The following AP2B1 variants were observed in gnomAD, a reference collection of about 807,000 sequenced individuals.
The protein encoded by AP2B1 is AP-2 complex subunit beta.
A neutral mutation model predicts 102.0 loss-of-function variants in AP2B1; 23 were observed. The ratio of observed to expected loss-of-function variants is 0.23; its 90% CI spans 0.16 to 0.32. AP2B1 has a LOEUF of 0.32. Among genes scored for constraint, AP2B1 ranks in the 10% least tolerant of loss-of-function variants. AP2B1 has a pLI of 1.00. For synonymous variants in AP2B1, 381 were observed against 421.2 expected, an observed-to-expected ratio of 0.90 and a Z score of 1.17; for missense variants, 541 against 1,157.4, an observed-to-expected ratio of 0.47 and a Z score of 7.73.
At chr17:35,648,164 C>T (rs369000732) in intron 12 of AP2B1, among the ~76,000 whole-genome samples, 98 of 152,218 alleles carry the variant, frequency 6.4e-4, no homozygotes, top group African/African-American at 2.3e-3. Context: ...TATAGACATA[C>T]TTTTGAGGTA....
chr17:35,594,190 C>T (rs953715681), intron 2 of AP2B1, 123 bp downstream of exon 2: 3 of 591,426 alleles, frequency 5.1e-6, no homozygotes, highest in Non-Finnish European at 8.9e-6. Flanking sequence ...TCTCACTGGA[C>T]ATCTACTACT....
chr17:35,703,980 G>C (rs1598330294), intron 18 of AP2B1, among the ~76,000 whole-genome samples: 1 of 152,122 alleles, frequency 6.6e-6, no homozygotes, highest in African/African-American at 2.4e-5. Flanking sequence ...TTTAGAACTT[G>C]TCTGGATTAT....
chr17:35,644,628 T>A lies in AP2B1; in HGVS notation c.1536+2653T>A, dbSNP rs1354564876. On this transcript the variant is annotated intron_variant, in intron 12 of 21. Coordinates refer to ENST00000610402, the MANE Select transcript of AP2B1 (RefSeq NM_001030006.2). Reference sequence around the variant, plus strand: ...TTGAACTCCTGATCTAATGTGATCCTCCTGCCTTGGTCTCCCAAAGCACTG... The same window carrying A: ...TTGAACTCCTGATCTAATGTGATCCACCTGCCTTGGTCTCCCAAAGCACTG... Among the ~76,000 whole-genome samples the A allele has an allele frequency of 3.3e-5, 5 of 151,752 alleles. No individual in the cohort carries two copies. In the East Asian group the frequency reaches 9.7e-4, roughly 30 times the overall value.
At chr17:35,657,906 C>G in intron 14 of AP2B1, 115 bp downstream of exon 14, 2 of 885,554 alleles carry the variant, frequency 2.3e-6, no homozygotes, top group Non-Finnish European at 1.7e-6. Context: ...CAGTAGTGTC[C>G]TTTGATAAAG....
At position 35,691,471 on chromosome 17, in the gene AP2B1, C is replaced by G. The variant is rs111392985; in HGVS notation, c.2454+8647C>G. 9.7e-3 allele frequency among the ~76,000 whole-genome samples: 1,478 copies of G among 152,302 alleles called. 20 individuals are homozygous for G. Among genetic ancestry groups the G allele is most frequent in the African/African-American group, 0.033 (1,390 of 41,560 alleles). ...AGCGCTCCCATCAAATGAAGCAAAC[C>G]AGCTTGGCATTTGCTGACGTTTCTT... On this transcript the variant is annotated intron_variant, in intron 18 of 21. Transcript: ENST00000610402.
intron 10 of AP2B1, among the ~76,000 whole-genome samples, chr17:35,637,261 T>C (rs1354730813): frequency 6.6e-6 from 1 of 152,224 alleles, no homozygotes; most frequent in Non-Finnish European, 1.5e-5. Flanking sequence ...CGCAGCTCAC[T>C]GCAACCTCCG....
At chr17:35,636,242 G>T in intron 9 of AP2B1, 99 bp from the exon 10 acceptor site, 1 of 712,920 alleles carries the variant, frequency 1.4e-6, no homozygotes, top group South Asian at 1.7e-5. Flanking sequence ...CATTTAGTTT[G>T]GTTTAGTTGA....
intron 5 of AP2B1, among the ~76,000 whole-genome samples, chr17:35,609,437 T>G (rs928884639): frequency 6.6e-6 from 1 of 151,508 alleles, no homozygotes; most frequent in African/African-American, 2.4e-5. Context: ...AGCTCCGCCT[T>G]CCAGGTTCAT....
At chr17:35,600,138 G>A (rs2142345316) in intron 3 of AP2B1, among the ~76,000 whole-genome samples, 1 of 152,134 alleles carries the variant, frequency 6.6e-6, no homozygotes, top group East Asian at 1.9e-4. Context: ...CTGGAGTGTA[G>A]TGACGTTATC....
intron 17 of AP2B1, 56 bp downstream of exon 17, chr17:35,674,377 A>G (rs2075654318): frequency 4.4e-6 from 7 of 1,592,392 alleles, no homozygotes; most frequent in Non-Finnish European, 6.0e-6. Flanking sequence ...CTTAGAACCA[A>G]CAAGAGAACA....
chr17:35,624,985 G>T (rs1182692778), intron 6 of AP2B1, among the ~76,000 whole-genome samples: 1 of 152,132 alleles, frequency 6.6e-6, no homozygotes, highest in Non-Finnish European at 1.5e-5. Flanking sequence ...GTATGAGAGA[G>T]AGTATGTTAA....
intron 20 of AP2B1, among the ~76,000 whole-genome samples, chr17:35,711,341 C>T (rs924203593): frequency 6.6e-6 from 1 of 151,234 alleles, no homozygotes; most frequent in African/African-American, 2.4e-5. Flanking sequence ...ATTTCCAGCA[C>T]ATTGCCATCC....
intron 1 of AP2B1, among the ~76,000 whole-genome samples, chr17:35,591,294 T>G (rs1489643913): frequency 1.3e-5 from 2 of 151,712 alleles, no homozygotes; most frequent in Non-Finnish European, 2.9e-5. Context: ...GATGTTGCAG[T>G]GAGTCCCAGC....
intron 12 of AP2B1, among the ~76,000 whole-genome samples, chr17:35,642,542 TCCACAG>T (rs1416738649): frequency 1.3e-5 from 2 of 152,186 alleles, no homozygotes; most frequent in African/African-American, 4.8e-5. Context: ...TTATATTAGA[TCCACAG>T]AAATCAAAAT....
intron 21 of AP2B1, among the ~76,000 whole-genome samples, chr17:35,720,545 T>TTATATATATATA (rs1213888032): frequency 5.9e-4 from 32 of 54,362 alleles, no homozygotes; most frequent in East Asian, 2.7e-3. Flanking sequence ...TTTATTTTAT[T>TTATATATATATA]TATATATATA....
intron 16 of AP2B1, among the ~76,000 whole-genome samples, chr17:35,672,184 A>G (rs957481134): frequency 1.3e-5 from 2 of 152,230 alleles, no homozygotes; most frequent in Non-Finnish European, 2.9e-5. Context: ...ATTGAAGTCA[A>G]TCTAGTGAAA....
intron 21 of AP2B1, 127 bp downstream of exon 21, chr17:35,717,476 T>G: frequency 9.3e-7 from 1 of 1,070,850 alleles, no homozygotes; most frequent in South Asian, 1.6e-5. Context: ...AAATAAGTAG[T>G]CAATGAAGAA....
At chr17:35,687,491 C>T (rs1230983032) in intron 18 of AP2B1, among the ~76,000 whole-genome samples, 5 of 152,038 alleles carry the variant, frequency 3.3e-5, no homozygotes, top group African/African-American at 1.2e-4. Flanking sequence ...TTTCATGTTC[C>T]CATTTTTTCT....
intron 5 of AP2B1, among the ~76,000 whole-genome samples, chr17:35,622,992 C>T (rs1039647285): frequency 2.6e-5 from 4 of 152,062 alleles, no homozygotes; most frequent in African/African-American, 9.7e-5. Flanking sequence ...TATTTATATT[C>T]AGCCTCACTT....
Sources: allele counts gnomAD v4.1 joint callset (sites outside exome capture counted in the v4.1 genomes callset), GRCh38; gene constraint gnomAD v4.1.1; transcripts MANE v1.5; gene names NCBI Gene and HGNC (gene_info 2026-07-23, HGNC 2026-07-21).